Variants in GOLM2 observed in about 807,000 individuals in gnomAD.
GOLM2 encodes the protein protein GOLM2.
GOLM2 carries 26 observed loss-of-function variants against 55.9 expected under a neutral mutation model. The ratio of observed to expected loss-of-function variants is 0.47; its 90% CI spans 0.34 to 0.65. GOLM2 has a LOEUF of 0.65. GOLM2 is among the 30% of genes least tolerant of loss of function. GOLM2 has a pLI of 0.01. For missense variants in GOLM2, 486 were observed against 531.8 expected (o/e 0.91, Z 0.85); for synonymous variants, 165 against 194.6 (o/e 0.85, Z 1.27).
At chr15:44,306,303 G>C (rs2078836498) in intron 1 of GOLM2, among the ~76,000 whole-genome samples, 1 of 151,668 alleles carries the variant, frequency 6.6e-6, no homozygotes. Flanking sequence ...TATGGAGATT[G>C]CTTTTTTTTT....
chr15:44,332,915 T>G (rs2079031859), intron 4 of GOLM2, among the ~76,000 whole-genome samples: 1 of 152,144 alleles, frequency 6.6e-6, no homozygotes, highest in African/African-American at 2.4e-5. Context: ...TGAAGATTAC[T>G]AATTATTAAG....
chr15:44,391,928 G>A (rs1307804572), intron 8 of GOLM2, among the ~76,000 whole-genome samples: 1 of 152,110 alleles, frequency 6.6e-6, no homozygotes, highest in South Asian at 2.1e-4. Flanking sequence ...TCAGCTCACC[G>A]CAACCTCTGC....
intron 2 of GOLM2, among the ~76,000 whole-genome samples, chr15:44,324,426 C>A (rs532469779): frequency 6.6e-6 from 1 of 152,208 alleles, no homozygotes; most frequent in African/African-American, 2.4e-5. Flanking sequence ...GAAGCTTGGG[C>A]TCTTAAATTT....
intron 9 of GOLM2, among the ~76,000 whole-genome samples, chr15:44,405,650 ACT>A (rs1201336409): frequency 1.3e-5 from 2 of 150,850 alleles, no homozygotes; most frequent in African/African-American, 4.9e-5. Context: ...ACGGAGTCTC[ACT>A]CTGTCTCACC....
intron 1 of GOLM2, among the ~76,000 whole-genome samples, chr15:44,302,282 C>G (rs1389508757): frequency 6.6e-6 from 1 of 151,076 alleles, no homozygotes; most frequent in East Asian, 2.0e-4. Context: ...GTAGCTGGGA[C>G]TACATGCACA....
intron 8 of GOLM2, among the ~76,000 whole-genome samples, chr15:44,391,991 C>T (rs1304342976): frequency 1.3e-5 from 2 of 152,092 alleles, no homozygotes; most frequent in African/African-American, 4.8e-5. Flanking sequence ...GCTGGGATTA[C>T]AGGCACGTGC....
chr15:44,349,125 G>A (rs2079144055), intron 6 of GOLM2, among the ~76,000 whole-genome samples: 1 of 151,806 alleles, frequency 6.6e-6, no homozygotes, highest in African/African-American at 2.4e-5. Context: ...GGGACGTGGT[G>A]GTGCATGCCT....
intron 4 of GOLM2, among the ~76,000 whole-genome samples, chr15:44,332,366 G>T (rs1488803175): frequency 6.6e-6 from 1 of 152,186 alleles, no homozygotes; most frequent in Admixed American, 6.5e-5. Context: ...AGATCACCCT[G>T]GCCAACATGG....
At chr15:44,357,945 A>T (rs1290230916) in intron 6 of GOLM2, among the ~76,000 whole-genome samples, 1 of 152,214 alleles carries the variant, frequency 6.6e-6, no homozygotes, top group African/African-American at 2.4e-5. Flanking sequence ...GGATAGGAAG[A>T]CTCAGTATTG....
At chr15:44,350,824 C>A (rs2079156641) in intron 6 of GOLM2, among the ~76,000 whole-genome samples, 2 of 152,100 alleles carry the variant, frequency 1.3e-5, no homozygotes, top group African/African-American at 2.4e-5. Context: ...CTTCAGTATA[C>A]ATGACTCAAT....
intron 6 of GOLM2, among the ~76,000 whole-genome samples, chr15:44,369,610 T>C (rs1197969967): frequency 6.6e-6 from 1 of 150,654 alleles, no homozygotes; most frequent in Non-Finnish European, 1.5e-5. Context: ...GATCGAGAGA[T>C]CAGGAGTTTG....
At chr15:44,404,443 A>G (rs1350092490) in intron 9 of GOLM2, among the ~76,000 whole-genome samples, 1 of 152,154 alleles carries the variant, frequency 6.6e-6, no homozygotes, top group African/African-American at 2.4e-5. Context: ...TAGGAGTTAT[A>G]TAAGGTTATA....
Position 44,328,806 on chromosome 15 carries a change from C to T in GOLM2, c.485+19C>T. 2 of 1,474,054 alleles carry T rather than the reference C, an allele frequency of 1.4e-6. No individual in the cohort carries two copies. Among genetic ancestry groups the T allele is most frequent in the Non-Finnish European group, 9.3e-7 (1 of 1,076,832 alleles). The allele number at this position is 1,474,054 out of a possible 1,614,324, so 91.3% of individuals were successfully genotyped here. On this transcript the variant is annotated intron_variant, in intron 3 of 9. Coordinates refer to ENST00000299957, the MANE Select transcript of GOLM2 (RefSeq NM_138423.4). The stretch of plus-strand genomic sequence containing the variant: ...ATGAAAGGTAAGATGTTACATGCAA[C>T]ATATGTTTATGAATCTAAAATATTT...
At chr15:44,330,161 C>T (rs1175280900) in intron 3 of GOLM2, among the ~76,000 whole-genome samples, 6 of 143,086 alleles carry the variant, frequency 4.2e-5, no homozygotes, top group Admixed American at 7.0e-5. Context: ...CCACCCGCCT[C>T]GGCCTCCCAA....
At chr15:44,303,697 C>T (rs1392405303) in intron 1 of GOLM2, among the ~76,000 whole-genome samples, 1 of 151,352 alleles carries the variant, frequency 6.6e-6, no homozygotes, top group Admixed American at 6.6e-5. Context: ...TCTGGAGCAG[C>T]TAGGACTACA....
At chr15:44,343,153 T>C (rs1472525068) in intron 6 of GOLM2, among the ~76,000 whole-genome samples, 1 of 151,630 alleles carries the variant, frequency 6.6e-6, no homozygotes, top group East Asian at 2.0e-4. Flanking sequence ...GCCAACATGG[T>C]GAAACCCCAT....
chr15:44,333,695 A>C (rs1033291481), intron 4 of GOLM2, among the ~76,000 whole-genome samples: 2 of 152,054 alleles, frequency 1.3e-5, no homozygotes, highest in Admixed American at 1.3e-4. Flanking sequence ...TATATAAATA[A>C]TGGGATAAGT....
chr15:44,332,341 G>A (rs142101637), intron 4 of GOLM2, among the ~76,000 whole-genome samples: 4,492 of 152,118 alleles, frequency 0.03, 104 homozygotes, highest in East Asian at 0.1. Context: ...CGGCTCACTC[G>A]AGGTCAGGAG....
chr15:44,383,156 A>C (rs1013997086), intron 8 of GOLM2, among the ~76,000 whole-genome samples: 1 of 151,354 alleles, frequency 6.6e-6, no homozygotes, highest in African/African-American at 2.4e-5. Context: ...ACATATACAT[A>C]TATTCTATTG....
Sources: gnomAD v4.1 joint callset for allele counts (sites outside exome capture counted in the v4.1 genomes callset) on GRCh38, gnomAD v4.1.1 for gene constraint, MANE v1.5 for transcripts, NCBI Gene and HGNC (gene_info 2026-07-23, HGNC 2026-07-21) for gene names.